Variants in UBE2E1 observed in about 807,000 individuals in gnomAD.
UBE2E1 encodes ubiquitin-conjugating enzyme E2 E1.
A neutral mutation model predicts 21.4 loss-of-function variants in UBE2E1; 6 were observed. The observed-to-expected ratio is 0.28, with a 90% CI of 0.15 to 0.55. The LOEUF is 0.55. Among genes scored for constraint, UBE2E1 ranks in the 20% least tolerant of loss-of-function variants. The pLI is 0.93. For synonymous variants in UBE2E1, 87 were observed against 82.7 expected, an observed-to-expected ratio of 1.05 and a Z score of -0.28; for missense variants, 142 against 236.5, an observed-to-expected ratio of 0.60 and a Z score of 2.62.
At position 23,887,721 on chromosome 3, in the gene UBE2E1, T is replaced by C. The variant is rs751697418; in HGVS notation, c.336+22T>C. 2 of 1,587,076 alleles carry C rather than the reference T, an allele frequency of 1.3e-6. No individual in the cohort carries two copies. The highest frequency in any genetic ancestry group is 1.7e-6 in the Non-Finnish European group (2 of 1,172,456). The stretch of plus-strand genomic sequence containing the variant: ...AAAGGTAAGAAATCTCCCTGTATGC[T>C]CAAATTTACTAATTCCCACAAGAGA... On this transcript the variant is annotated intron_variant, in intron 4 of 5. Transcript: ENST00000306627. The surrounding 1 kb of genome is among the most constrained non-coding windows in gnomAD (Gnocchi z 4.4).
chr3:23,861,009 T>C (rs1287390296), intron 3 of UBE2E1, among the ~76,000 whole-genome samples: 2 of 152,232 alleles, frequency 1.3e-5, no homozygotes, highest in Non-Finnish European at 2.9e-5. Flanking sequence ...TACACAGCCA[T>C]GCTTGGAGTG....
chr3:23,854,489 C>T (rs896777233), intron 3 of UBE2E1, among the ~76,000 whole-genome samples: 1 of 152,210 alleles, frequency 6.6e-6, no homozygotes, highest in Non-Finnish European at 1.5e-5. Flanking sequence ...CTGTCTGTCC[C>T]TTCGGGTCCA....
At position 23,810,585 on chromosome 3, in the gene UBE2E1, G is replaced by C. The variant is rs1182795848; in HGVS notation, c.153-875G>C. 155 of 1,478,144 alleles carry C rather than the reference G, an allele frequency of 1.0e-4. No homozygotes were observed. The highest frequency in any genetic ancestry group is 1.3e-4 in the Non-Finnish European group (142 of 1,109,526). The allele number at this position is 1,478,144 out of a possible 1,614,324, so 91.6% of individuals were successfully genotyped here. The stretch of plus-strand genomic sequence containing the variant: ...GCGTGCGGGGCGGAGGCAGGGTCCG[G>C]TGCACCTGTGCGGCCGCGGGCCGGC... On this transcript the variant is annotated intron_variant, in intron 2 of 5. Coordinates refer to ENST00000306627, the MANE Select transcript of UBE2E1 (RefSeq NM_003341.5). This position sits in a 1 kb window ranked among gnomAD's most constrained non-coding sequence, Gnocchi z 5.8.
intron 3 of UBE2E1, among the ~76,000 whole-genome samples, chr3:23,869,531 A>G (rs1480913165): frequency 1.3e-5 from 2 of 151,526 alleles, no homozygotes; most frequent in Non-Finnish European, 2.9e-5. Context: ...GAGAGTTCAA[A>G]TACAAGTAGT....
intron 3 of UBE2E1, among the ~76,000 whole-genome samples, chr3:23,860,347 T>C (rs962750651): frequency 1.3e-5 from 2 of 152,346 alleles, no homozygotes; most frequent in South Asian, 4.1e-4. Flanking sequence ...TTTACCTTTT[T>C]AGCAATGTTT....
intron 3 of UBE2E1, among the ~76,000 whole-genome samples, chr3:23,852,649 C>T (rs1159159614): frequency 1.4e-4 from 22 of 152,162 alleles, no homozygotes; most frequent in African/African-American, 5.3e-4. Flanking sequence ...GACTGGAGTG[C>T]AGTGGTGCAA....
Position 23,887,490 on chromosome 3 carries a change from C to G in UBE2E1, c.204-77C>G. 1 of 1,487,614 alleles carries G rather than the reference C, an allele frequency of 6.7e-7. No individual in the cohort carries two copies. The highest frequency in any genetic ancestry group is 2.3e-5 in the East Asian group (1 of 42,922). The allele number at this position is 1,487,614 out of a possible 1,614,324, so 92.2% of individuals were successfully genotyped here. A position where few individuals can be genotyped will look rare whatever the true frequency, so the allele number is the denominator to read the frequency against. Reference sequence around the variant, plus strand: ...AAACAAAAGAGAGGAGAGAGGTAATCTTTCCATCTCTTTTAATACACTGTA... The same window carrying G: ...AAACAAAAGAGAGGAGAGAGGTAATGTTTCCATCTCTTTTAATACACTGTA... On this transcript the variant is annotated intron_variant, in intron 3 of 5. Coordinates refer to ENST00000306627, the MANE Select transcript of UBE2E1 (RefSeq NM_003341.5). This position sits in a 1 kb window ranked among gnomAD's most constrained non-coding sequence, Gnocchi z 4.4.
At chr3:23,890,452 TA>T (rs2125336145) in intron 5 of UBE2E1, 56 bp from the exon 6 acceptor site, 2 of 1,562,930 alleles carry the variant, frequency 1.3e-6, no homozygotes, top group African/African-American at 2.7e-5. Context: ...CACTATTCGC[TA>T]AAGTTTAAAA....
At position 23,817,719 on chromosome 3, in the gene UBE2E1, G is replaced by A. The variant is rs72625895; in HGVS notation, c.203+6209G>A. Among the ~76,000 whole-genome samples, 435 of 152,216 alleles carry A rather than the reference G, an allele frequency of 2.9e-3. 10 individuals are homozygous for A. In the East Asian group the frequency reaches 0.044, roughly 15 times the overall value. ...GGATATTCGTGATGGAACAGTGTAA[G>A]CCAAGACAGCAGAGGGAAGACAGAA... On this transcript the variant is annotated intron_variant, in intron 3 of 5. Coordinates refer to ENST00000306627, the MANE Select transcript of UBE2E1 (RefSeq NM_003341.5).
intron 3 of UBE2E1, among the ~76,000 whole-genome samples, chr3:23,859,388 T>G (rs911877159): frequency 6.6e-6 from 1 of 152,232 alleles, no homozygotes; most frequent in African/African-American, 2.4e-5. Flanking sequence ...ACCTCCTCAC[T>G]TCACCTGAGC....
At chr3:23,822,762 T>C (rs939134873) in intron 3 of UBE2E1, among the ~76,000 whole-genome samples, 4 of 152,216 alleles carry the variant, frequency 2.6e-5, no homozygotes, top group African/African-American at 9.6e-5. Context: ...ATGAGTTGGA[T>C]ATATGTATTT....
Position 23,863,137 on chromosome 3 carries a change from T to G in UBE2E1, c.204-24430T>G, listed in dbSNP as rs1700590319. Among the ~76,000 whole-genome samples, 2 of 152,226 alleles carry G rather than the reference T, an allele frequency of 1.3e-5. No homozygotes were observed. Among genetic ancestry groups the G allele is most frequent in the African/African-American group, 4.8e-5 (2 of 41,460 alleles). ...CCTCCTTGAGCCGAGTACTTTGTTG[T>G]TTATATCCTGTTTTTAGGTATATAC... On this transcript the variant is annotated intron_variant, in intron 3 of 5. Coordinates refer to ENST00000306627, the MANE Select transcript of UBE2E1 (RefSeq NM_003341.5). This position sits in a 1 kb window ranked among gnomAD's most constrained non-coding sequence, Gnocchi z 4.3.
At chr3:23,888,196 T>C (rs1399077344) in intron 4 of UBE2E1, 2 of 456,902 alleles carry the variant, frequency 4.4e-6, no homozygotes, top group Non-Finnish European at 8.8e-6. Flanking sequence ...TGGATTCTGT[T>C]GTGCTCCCTG....
chr3:23,861,695 A>G (rs558064083), intron 3 of UBE2E1, among the ~76,000 whole-genome samples: 2 of 152,344 alleles, frequency 1.3e-5, no homozygotes, highest in Admixed American at 1.3e-4. Context: ...GTAGGAGCAC[A>G]CTGGGATGCC....
intron 3 of UBE2E1, among the ~76,000 whole-genome samples, chr3:23,852,481 C>A (rs572046636): frequency 1.2e-4 from 19 of 152,324 alleles, no homozygotes; most frequent in South Asian, 4.1e-4. Context: ...CTTTGTTCAG[C>A]TTGTTTATTG....
chr3:23,844,659 T>C (rs1046579692), intron 3 of UBE2E1, among the ~76,000 whole-genome samples: 2 of 152,192 alleles, frequency 1.3e-5, no homozygotes, highest in African/African-American at 4.8e-5. Flanking sequence ...TGCCCACCAG[T>C]AGCAGAGCAT....
chr3:23,824,862 A>G (rs901374914), intron 3 of UBE2E1, among the ~76,000 whole-genome samples: 1 of 152,126 alleles, frequency 6.6e-6, no homozygotes, highest in Non-Finnish European at 1.5e-5. Context: ...TTTCTCAGAA[A>G]TTTCTTGTGG....
chr3:23,829,131 GATT>G (rs1204902252), intron 3 of UBE2E1, among the ~76,000 whole-genome samples: 31 of 139,906 alleles, frequency 2.2e-4, no homozygotes, highest in Admixed American at 2.2e-3. Flanking sequence ...TAAGATGGAG[GATT>G]ATTATTATTA....
At chr3:23,885,038 A>G (rs1373552256) in intron 3 of UBE2E1, among the ~76,000 whole-genome samples, 6 of 152,232 alleles carry the variant, frequency 3.9e-5, no homozygotes, top group Non-Finnish European at 7.3e-5. Flanking sequence ...TGGATGGCTT[A>G]TAAACAACAG....
Sources: allele counts gnomAD v4.1 joint callset (sites outside exome capture counted in the v4.1 genomes callset), GRCh38; gene constraint gnomAD v4.1.1; non-coding constraint Gnocchi (gnomAD v3.1); transcripts MANE v1.5; gene names NCBI Gene and HGNC (gene_info 2026-07-23, HGNC 2026-07-21).